The following SHANK1 variants were observed in gnomAD, a reference collection of about 807,000 sequenced individuals.
SHANK1 encodes the protein SH3 and multiple ankyrin repeat domains protein 1.
A neutral mutation model predicts 165.6 loss-of-function variants in SHANK1; 35 were observed. The observed-to-expected ratio is 0.21, with a 90% CI of 0.16 to 0.28. The LOEUF is 0.28. SHANK1 is among the 10% of genes least tolerant of loss of function. The pLI is 1.00. For missense variants in SHANK1, 2,681 were observed against 3,036.4 expected (o/e 0.88, Z 2.75); for synonymous variants, 1,428 against 1,384.8 (o/e 1.03, Z -0.69).
At chr19:50,715,633 G>A (rs757842528) in intron 4 of SHANK1, 26 bp downstream of exon 4, 7 of 1,609,170 alleles carry the variant, frequency 4.4e-6, no homozygotes, top group Middle Eastern at 1.7e-4. Flanking sequence ...GGCTATAGGG[G>A]ATAGATGCCA....
chr19:50,680,171 TGA>T (rs1009081649), intron 21 of SHANK1, among the ~76,000 whole-genome samples: 1 of 130,824 alleles, frequency 7.6e-6, no homozygotes, highest in African/African-American at 2.9e-5. Context: ...ATAGGGAGAG[TGA>T]GAGAGGCGAA....
In SHANK1 at chr19:50,665,831, C is replaced by T. The variant is rs193142457; in HGVS notation, c.5768+361G>A. On this transcript the variant is annotated intron_variant, in intron 23 of 23. Transcript: ENST00000293441. The stretch of plus-strand genomic sequence containing the variant: ...GATGGATCACCTGAGGTTGGGAGTT[C>T]GAGACCAGCCTGACCAACATGGAGA... 3.1e-3 allele frequency among the ~76,000 whole-genome samples: 467 copies of T among 149,288 alleles called. 4 individuals carry two copies. The highest frequency in any genetic ancestry group is 4.6e-3 in the Non-Finnish European group (309 of 67,644).
At chr19:50,683,535 C>T (rs986915616) in intron 21 of SHANK1, among the ~76,000 whole-genome samples, 1 of 152,176 alleles carries the variant, frequency 6.6e-6, no homozygotes, top group African/African-American at 2.4e-5. Flanking sequence ...CCATAAGGCA[C>T]ATCACGGCCT....
chr19:50,667,389 C>A lies in SHANK1; in HGVS notation c.4571G>T (p.Arg1524Leu). The A allele has an allele frequency of 6.5e-7, 1 of 1,527,702 alleles. No individual in the cohort carries two copies. 94.6% of individuals were successfully genotyped at this position (1,527,702 alleles called of 1,614,324 possible). Residue 1524 changes from arginine (R) to leucine (L), a missense_variant, in exon 23 of 24, where the codon CGC becomes CTC. By Grantham distance (102) the Arg-to-Leu change is moderately radical. This residue lies in a region of SHANK1 where 1,713 missense variants were observed against 1,630.2 expected (regional missense o/e 1.05). Coordinates refer to ENST00000293441, the MANE Select transcript of SHANK1 (RefSeq NM_016148.5). The surrounding 1 kb of genome is among the most constrained non-coding windows in gnomAD (Gnocchi z 5.7). Reference protein sequence around the residue: ...DGPGVPPPSPRRSVPPSPTSP... With the variant: ...DGPGVPPPSPLRSVPPSPTSP... ...GGTCGGGGAGGGGGGCACGGACCGG[C>A]GTGGGCTGGGCGGCGGGACCCCCGG...
intron 15 of SHANK1, among the ~76,000 whole-genome samples, chr19:50,694,706 A>T (rs2123151894): frequency 7.2e-6 from 1 of 139,812 alleles, no homozygotes; most frequent in South Asian, 2.3e-4. Flanking sequence ...GAAGATGGAG[A>T]GGAGAAGGGT....
rs1985292269 is a variant in SHANK1 at position 50,662,492 on chromosome 19, C to G, written c.5959G>C (p.Glu1987Gln). The change falls in exon 24 of 24, where the codon GAG becomes CAG. Residue 1987 changes from glutamate to glutamine, a missense_variant. This residue lies in a region of SHANK1 where 1,713 missense variants were observed against 1,630.2 expected (regional missense o/e 1.05). Coordinates refer to ENST00000293441, the MANE Select transcript of SHANK1 (RefSeq NM_016148.5). The surrounding 1 kb of genome is among the most constrained non-coding windows in gnomAD (Gnocchi z 7.7). ...AGCAGAGGGGGCCGCATCTCGAACT[C>G]CACGCCCTGGAGGTGGCGGGTGGAC... ...STSTRHLQGV[E>Q]FEMRPPLLRR... 1 of 1,557,834 alleles carries G rather than the reference C, an allele frequency of 6.4e-7. No individual in the cohort carries two copies. The highest frequency in any genetic ancestry group is 8.7e-7 in the Non-Finnish European group (1 of 1,151,216).
intron 23 of SHANK1, chr19:50,663,034 TC>T (rs1339085580): frequency 3.2e-6 from 1 of 316,364 alleles, no homozygotes; most frequent in Non-Finnish European, 5.9e-6. Flanking sequence ...CTCAGTTTAA[TC>T]CCCACGACAG....
At position 50,704,135 on chromosome 19, in the gene SHANK1, G is replaced by C. The variant is rs10419507; in HGVS notation, c.1207C>G (p.Arg403Gly). The C allele has an allele frequency of 6.2e-7, 1 of 1,613,526 alleles. No individual in the cohort carries two copies. Among genetic ancestry groups the C allele is most frequent in the Non-Finnish European group, 8.5e-7 (1 of 1,179,878 alleles). Residue 403 changes from arginine (R) to glycine (G), a missense_variant, in exon 10 of 24, where the codon CGA becomes GGA. Arg to Gly is a moderately radical substitution (Grantham distance 125, BLOSUM62 -2). Coordinates refer to ENST00000293441, the MANE Select transcript of SHANK1 (RefSeq NM_016148.5). ...FELGELIRNH[R>G]EQDVVPFQES... ...TGTCACTCACCCACATCCTGTTCTC[G>C]GTGGTTTCGGATCAGCTCCCCCAGC...
intron 15 of SHANK1, among the ~76,000 whole-genome samples, chr19:50,694,772 C>A (rs1599860117): frequency 4.6e-5 from 1 of 21,550 alleles, no homozygotes; most frequent in East Asian, 1.5e-3. Flanking sequence ...GGAAGAGGAG[C>A]GGAGGGGAAG....
Position 50,668,608 on chromosome 19 carries a change from CT to C in SHANK1, c.3351del (p.Gly1118AlafsTer225), listed in dbSNP as rs1284923337. ...AGGCCGCCGCCCTTCTGGGGCTCGC[CT>C]TCCACCTTGGTCTGCTTGACCAGCG... ...KGPLVKQTKV[E>X]GEPQKGGGLP... On this transcript the variant is annotated frameshift_variant, in exon 23 of 24. Transcript: ENST00000293441. LOFTEE classifies it high-confidence loss of function. The C allele has an allele frequency of 1.5e-6, 2 of 1,376,994 alleles. No individual in the cohort carries two copies. Among genetic ancestry groups the C allele is most frequent in the South Asian group, 3.4e-5 (2 of 58,616 alleles). 85.3% of individuals were successfully genotyped at this position (1,376,994 alleles called of 1,614,324 possible). A position where few individuals can be genotyped will look rare whatever the true frequency, so the allele number is the denominator to read the frequency against.
In SHANK1 at chr19:50,703,796, C is replaced by T. The variant is rs577603477; in HGVS notation, c.1257G>A (p.Arg419=). 1.8e-5 allele frequency: 26 copies of T among 1,427,772 alleles called. No homozygotes were observed. The highest frequency in any genetic ancestry group is 9.1e-7 in the Non-Finnish European group (1 of 1,095,802). 88.4% of individuals were successfully genotyped at this position (1,427,772 alleles called of 1,614,324 possible). A position where few individuals can be genotyped will look rare whatever the true frequency, so the allele number is the denominator to read the frequency against. Residue 419 remains arginine (R), a synonymous_variant, in exon 11 of 24, where the codon CGG becomes CGA. Coordinates refer to ENST00000293441, the MANE Select transcript of SHANK1 (RefSeq NM_016148.5). ...GCCCTGTGCCTGGGGGCCCCCGTCG[C>T]CGGGCCGCGTACTTGGGGGACTCCT... The part of the protein sequence containing the change: ...PFQESPKYAA[R]RRGPPGTGLT...
chr19:50,688,709 T>C lies in SHANK1; in HGVS notation c.2172+135A>G. Reference sequence around the variant, plus strand: ...ATCGCTGGGGAAAGCAGAGGCTGGCTGGGGGGTGGGCAGGGGGCTGGGAAT... The same window carrying C: ...ATCGCTGGGGAAAGCAGAGGCTGGCCGGGGGGTGGGCAGGGGGCTGGGAAT... On this transcript the variant is annotated intron_variant, in intron 17 of 23. Coordinates refer to ENST00000293441, the MANE Select transcript of SHANK1 (RefSeq NM_016148.5). The surrounding 1 kb of genome is among the most constrained non-coding windows in gnomAD (Gnocchi z 6.7). The C allele has an allele frequency of 1.3e-6, 1 of 767,154 alleles. No homozygotes were observed. Among genetic ancestry groups the C allele is most frequent in the South Asian group, 1.8e-5 (1 of 54,214 alleles). The allele number at this position is 767,154 out of a possible 1,614,324, so 47.5% of individuals were successfully genotyped here.
chr19:50,696,267 TG>T lies in SHANK1; in HGVS notation c.1964+828del, dbSNP rs552671626. 3.9e-5 allele frequency among the ~76,000 whole-genome samples: 6 copies of T among 152,108 alleles called. No individual in the cohort carries two copies. In the South Asian group the frequency reaches 6.2e-4, roughly 16 times the overall value. On this transcript the variant is annotated intron_variant, in intron 15 of 23. Transcript: ENST00000293441. ...GAGGCCGACATAGAAGCTCGGGGTG[TG>T]GGGGGGTGTACCCCAATACTCACCC...
chr19:50,673,452 T>C (rs563914108), intron 21 of SHANK1, among the ~76,000 whole-genome samples: 1 of 152,258 alleles, frequency 6.6e-6, no homozygotes, highest in South Asian at 2.1e-4. Context: ...CCTGGTTCTC[T>C]CGGCAACAGC....
At chr19:50,676,514 T>C (rs532369818) in intron 21 of SHANK1, among the ~76,000 whole-genome samples, 34 of 151,612 alleles carry the variant, frequency 2.2e-4, no homozygotes, top group African/African-American at 8.2e-4. Context: ...AGGGTAGGAG[T>C]TGAGGTTAGA....
At chr19:50,707,896 C>A (rs1285063829) in intron 8 of SHANK1, among the ~76,000 whole-genome samples, 2 of 11,050 alleles carry the variant, frequency 1.8e-4, no homozygotes, top group African/African-American at 2.0e-3. Context: ...CTTTTCTTTT[C>A]TTTTCTTTTC....
At chr19:50,689,304 G>C (rs1468358634) in intron 15 of SHANK1, 25 bp from the exon 16 acceptor site, 20 of 1,471,552 alleles carry the variant, frequency 1.4e-5, no homozygotes, top group Non-Finnish European at 1.8e-5. Flanking sequence ...GGAGAAATGG[G>C]GGGGTGGTGG....
rs1985532343 is a variant in SHANK1 at position 50,666,687 on chromosome 19, C to G, written c.5273G>C (p.Arg1758Pro). ...TCCGCTGGCTCCTAGCGCCCGGCCC[C>G]GGAGCTTAGAGGGAGTCATGAGCTG... ...PPQLMTPSKL[R>P]GRALGASGGL... The change falls in exon 23 of 24, where the codon CGG (arginine) becomes CCG (proline). Residue 1758 changes from arginine (R) to proline (P), a missense_variant. By Grantham distance (103) the Arg-to-Pro change is moderately radical. Around this residue, in one of 10 missense-constraint regions of SHANK1, gnomAD observed 1,713 missense variants for 1,630.2 expected, o/e 1.05. Transcript: ENST00000293441. 2 of 1,584,886 alleles carry G rather than the reference C, an allele frequency of 1.3e-6. No homozygotes were observed. The highest frequency in any genetic ancestry group is 1.1e-5 in the South Asian group (1 of 87,260).
rs1241938584 is a variant in SHANK1, at chr19:50,662,341, C to G, written c.6110G>C (p.Gly2037Ala). 1.2e-6 allele frequency: 2 copies of G among 1,601,802 alleles called. No individual in the cohort carries two copies. The highest frequency in any genetic ancestry group is 1.7e-6 in the Non-Finnish European group (2 of 1,172,702). The change falls in exon 24 of 24, where the codon GGC (glycine) becomes GCC (alanine). Residue 2037 changes from glycine (G) to alanine (A), a missense_variant. This residue lies in a region of SHANK1 where 1,713 missense variants were observed against 1,630.2 expected (regional missense o/e 1.05). Transcript: ENST00000293441. This position sits in a 1 kb window ranked among gnomAD's most constrained non-coding sequence, Gnocchi z 7.7. ...GCCTCCTGCCCCTCCAGTTGGGGAGCCACGGATGTCAAAGAGGCCTGGGTA... is the reference window on the plus strand; with the variant it reads ...GCCTCCTGCCCCTCCAGTTGGGGAGGCACGGATGTCAAAGAGGCCTGGGTA... ...PLYPGLFDIR[G>A]SPTGGAGGSA... is the part of the protein sequence containing the mutation.
Sources: allele counts gnomAD v4.1 joint callset (sites outside exome capture counted in the v4.1 genomes callset), GRCh38; gene constraint gnomAD v4.1.1; regional missense constraint gnomAD v4.1.1; non-coding constraint Gnocchi (gnomAD v3.1); transcripts MANE v1.5; gene names NCBI Gene and HGNC (gene_info 2026-07-23, HGNC 2026-07-21).